MROH9: variants seen among roughly 807,000 people sequenced by gnomAD.
MROH9 encodes the protein maestro heat-like repeat-containing protein family member 9.
A neutral mutation model predicts 98.2 loss-of-function variants in MROH9; 92 were observed. The observed-to-expected ratio is 0.94, with a 90% CI of 0.79 to 1.11. MROH9 has a LOEUF of 1.11. Among genes scored for constraint, MROH9 ranks in the 50% most tolerant of loss-of-function variants. MROH9 has a pLI of 0.00. For synonymous variants in MROH9, 397 were observed against 368.9 expected (o/e 1.08, Z -0.87); for missense variants, 1,057 against 1,014.8 (o/e 1.04, Z -0.57).
At chr1:170,950,755 A>G (rs551153260) in intron 3 of MROH9, among the ~76,000 whole-genome samples, 2 of 152,254 alleles carry the variant, frequency 1.3e-5, no homozygotes, top group African/African-American at 4.8e-5. Flanking sequence ...TTCTATGAAT[A>G]ATCTAAGTTT....
chr1:171,045,553 G>T (rs1052655737), intron 20 of MROH9, among the ~76,000 whole-genome samples: 1 of 151,920 alleles, frequency 6.6e-6, no homozygotes, highest in Non-Finnish European at 1.5e-5. Context: ...TTGACCCACT[G>T]GTCATTTGGA....
intron 20 of MROH9, among the ~76,000 whole-genome samples, chr1:171,031,681 C>A (rs1309424384): frequency 6.6e-6 from 1 of 152,110 alleles, no homozygotes; most frequent in African/African-American, 2.4e-5. Context: ...TGTAGGTGAC[C>A]TGGCCATTCT....
chr1:171,058,346 CA>C (rs34725160), intron 20 of MROH9, among the ~76,000 whole-genome samples: 3,805 of 67,014 alleles, frequency 0.057, 124 homozygotes, highest in African/African-American at 0.14. Flanking sequence ...AGAGAGGATG[CA>C]AAAAAAAAAA....
intron 15 of MROH9, 185 bp downstream of exon 15, chr1:170,998,459 T>G (rs557170089): frequency 4.7e-5 from 73 of 1,547,356 alleles, no homozygotes; most frequent in Non-Finnish European, 5.9e-5. Context: ...ATGGAAGAGT[T>G]GTCCCTTCAG....
chr1:170,969,017 A>C (rs1189497680), intron 7 of MROH9, among the ~76,000 whole-genome samples: 2 of 152,340 alleles, frequency 1.3e-5, no homozygotes, highest in East Asian at 3.9e-4. Flanking sequence ...ATTAAAGTGC[A>C]GAGAATAGTT....
chr1:170,954,358 C>A (rs143371208), intron 3 of MROH9, among the ~76,000 whole-genome samples: 1 of 152,044 alleles, frequency 6.6e-6, no homozygotes, highest in African/African-American at 2.4e-5. Context: ...AATTTTGGCA[C>A]TCTTCAATAT....
chr1:170,937,766 G>T (rs1051433683), intron 1 of MROH9, among the ~76,000 whole-genome samples: 8 of 151,820 alleles, frequency 5.3e-5, no homozygotes, highest in Non-Finnish European at 1.0e-4. Flanking sequence ...CTCGTGATCC[G>T]CCCGCCTCGG....
chr1:171,049,139 C>T (rs542668990), intron 20 of MROH9, among the ~76,000 whole-genome samples: 3 of 152,216 alleles, frequency 2.0e-5, no homozygotes, highest in African/African-American at 4.8e-5. Flanking sequence ...CCAGCACTGC[C>T]TTGGATGATC....
chr1:170,944,852 G>A (rs1649262722), intron 1 of MROH9, among the ~76,000 whole-genome samples: 1 of 151,968 alleles, frequency 6.6e-6, no homozygotes, highest in Non-Finnish European at 1.5e-5. Flanking sequence ...GAAATATTTA[G>A]GAAGGAAGGG....
At chr1:170,948,911 T>G (rs916832464) in intron 3 of MROH9, among the ~76,000 whole-genome samples, 30 of 152,080 alleles carry the variant, frequency 2.0e-4, no homozygotes, top group Non-Finnish European at 3.2e-4. Flanking sequence ...TAGCTATGGT[T>G]CCCCAGGAAG....
intron 12 of MROH9, among the ~76,000 whole-genome samples, chr1:170,995,156 GTGTTTGTA>G (rs1483959605): frequency 1.3e-5 from 2 of 152,100 alleles, no homozygotes; most frequent in African/African-American, 4.8e-5. Context: ...GTCATCCAGG[GTGTTTGTA>G]TAGTGCCTTA....
rs184529036 is a variant in MROH9, at chr1:170,936,169, G to A, written c.-38+582G>A. ...GGATGAGAGAAACCACAACTATATAGATAAATATATTTATTATAAGGTATT... is the reference window on the plus strand; with the variant it reads ...GGATGAGAGAAACCACAACTATATAAATAAATATATTTATTATAAGGTATT... On this transcript the variant is annotated intron_variant, in intron 1 of 21. Transcript: ENST00000367759. Among the ~76,000 whole-genome samples, 877 of 151,986 alleles carry A rather than the reference G, an allele frequency of 5.8e-3. 5 individuals carry two copies. The highest frequency in any genetic ancestry group is 8.4e-3 in the Admixed American group (129 of 15,270).
chr1:171,015,073 G>GTAT, intron 16 of MROH9: 1 of 471,532 alleles, frequency 2.1e-6, no homozygotes, highest in South Asian at 1.6e-5. Flanking sequence ...CTTGCAAAAT[G>GTAT]CTGACAGTGC....
At chr1:171,016,046 C>A in intron 16 of MROH9, 117 bp from the exon 17 acceptor site, 2 of 551,502 alleles carry the variant, frequency 3.6e-6, no homozygotes, top group Non-Finnish European at 5.6e-6. Flanking sequence ...AAGAGATTTT[C>A]GTGAGTCGGC....
chr1:171,014,395 T>C (rs777687039), intron 16 of MROH9, 141 bp downstream of exon 16: 1 of 744,312 alleles, frequency 1.3e-6, no homozygotes, highest in East Asian at 2.8e-5. Context: ...TGCTGTTTTA[T>C]TAACAAGGAA....
intron 6 of MROH9, 98 bp downstream of exon 6, chr1:170,962,074 A>C (rs1250668725): frequency 6.2e-5 from 41 of 659,322 alleles, no homozygotes; most frequent in Non-Finnish European, 8.8e-5. Flanking sequence ...ATCTCCTTCA[A>C]GTATTTGATG....
At chr1:170,987,054 A>C (rs1253280048) in intron 10 of MROH9, among the ~76,000 whole-genome samples, 1 of 104,344 alleles carries the variant, frequency 9.6e-6, no homozygotes, top group African/African-American at 4.8e-5. Context: ...GGAGGTCTTA[A>C]CTATGTTGCC....
At chr1:170,985,634 A>T (rs1486302086) in intron 9 of MROH9, among the ~76,000 whole-genome samples, 2 of 152,176 alleles carry the variant, frequency 1.3e-5, no homozygotes, top group Non-Finnish European at 2.9e-5. Flanking sequence ...TCAAGAAGAG[A>T]ATATTCTGCC....
intron 20 of MROH9, among the ~76,000 whole-genome samples, chr1:171,026,887 A>G (rs986373637): frequency 5.3e-5 from 8 of 152,178 alleles, no homozygotes; most frequent in African/African-American, 1.9e-4. Flanking sequence ...GGATGGGATA[A>G]TGGGAGCATA....
Sources: gnomAD v4.1 joint callset for allele counts (sites outside exome capture counted in the v4.1 genomes callset) on GRCh38, gnomAD v4.1.1 for gene constraint, MANE v1.5 for transcripts, NCBI Gene and HGNC (gene_info 2026-07-23, HGNC 2026-07-21) for gene names.